Variants in PCNX3 observed in about 807,000 individuals in gnomAD.
The protein encoded by PCNX3 is pecanex 3, also known as pecanex-like protein 3.
Under a neutral mutation model 207.2 loss-of-function variants are expected in PCNX3, and 58 were observed. The ratio of observed to expected loss-of-function variants is 0.28; its 90% CI spans 0.23 to 0.35. PCNX3 has a LOEUF of 0.35. Among genes scored for constraint, PCNX3 ranks in the 10% least tolerant of loss-of-function variants. The probability of loss-of-function intolerance (pLI) is 1.00; values close to 1 mark genes in which losing one functional copy is unlikely to be tolerated. For missense variants in PCNX3, 2,410 were observed against 2,774.4 expected (o/e 0.87, Z 2.95); for synonymous variants, 1,337 against 1,183.5 (o/e 1.13, Z -2.66).
At chr11:65,619,277 C>T (rs1000538920) in intron 6 of PCNX3, 1 of 368,482 alleles carries the variant, frequency 2.7e-6, no homozygotes, top group Non-Finnish European at 3.8e-6. Flanking sequence ...TGATTAGCAC[C>T]TGAGTCTCTG....
At chr11:65,630,229 C>A in intron 26 of PCNX3, 122 bp from the exon 27 acceptor site, 1 of 1,371,806 alleles carries the variant, frequency 7.3e-7, no homozygotes, top group Non-Finnish European at 9.8e-7. Flanking sequence ...ATAAGGTTGA[C>A]TCCCCTGGCG....
At position 65,616,015 on chromosome 11, in the gene PCNX3, C is replaced by A. The variant is rs1854706965; in HGVS notation, c.-297C>A. 6 of 231,024 alleles carry A rather than the reference C, an allele frequency of 2.6e-5. No individual in the cohort carries two copies. In the South Asian group the frequency reaches 9.6e-4, roughly 37 times the overall value. The allele number at this position is 231,024 out of a possible 1,614,324, so 14.3% of individuals were successfully genotyped here. A position where few individuals can be genotyped will look rare whatever the true frequency, so the allele number is the denominator to read the frequency against. ...GCCGACGGGTACCCGGCCCGTGCCC[C>A]GCGCCTGCCTGCCGGCTCGGCCCCT... On this transcript the variant is annotated 5_prime_UTR_variant, in exon 1 of 35. Transcript: ENST00000355703.
At position 65,636,920 on chromosome 11, in the gene PCNX3, C is replaced by T. The variant is rs1345568370; in HGVS notation, c.6047C>T (p.Ala2016Val). 6.4e-7 allele frequency: 1 copy of T among 1,561,924 alleles called. No homozygotes were observed. The highest frequency in any genetic ancestry group is 1.2e-5 in the South Asian group (1 of 84,820). The change falls in exon 35 of 35, where the codon GCC becomes GTC. Residue 2016 changes from alanine (A) to valine (V), a missense_variant. Ala to Val is a moderately conservative substitution (Grantham distance 64). Transcript: ENST00000355703. ...TPMGALGDWP[A>V]PIEERESPAA... ...ATGGGTGCCCTGGGCGACTGGCCTG[C>T]CCCTATTGAGGAGCGTGAGAGCCCG...
At chr11:65,627,237 C>T (rs969981752) in intron 21 of PCNX3, among the ~76,000 whole-genome samples, 168 bp from the exon 22 acceptor site, 1 of 152,158 alleles carries the variant, frequency 6.6e-6, no homozygotes, top group Non-Finnish European at 1.5e-5. Context: ...CCCACCACTC[C>T]CTTTGGAAGA....
rs1348257281 is a variant in PCNX3, at chr11:65,617,139, G to A, written c.342-111G>A. ...GATTGTGAACACTTGTCCTGTGTTA[G>A]CCCTGGAATTGTAAAGTGACTTCTG... On this transcript the variant is annotated intron_variant, in intron 2 of 34. Transcript: ENST00000355703. The A allele has an allele frequency of 3.6e-6, 5 of 1,388,014 alleles. No individual in the cohort carries two copies. The African/African-American group carries it at 4.3e-5, about 12-fold the overall frequency. The allele number at this position is 1,388,014 out of a possible 1,614,324, so 86.0% of individuals were successfully genotyped here. A position where few individuals can be genotyped will look rare whatever the true frequency, so the allele number is the denominator to read the frequency against.
At position 65,635,590 on chromosome 11, in the gene PCNX3, G is replaced by T; in HGVS notation, c.5246G>T (p.Arg1749Leu). ...CAGCAGCAGGAGCTGGTGTTCCTGC[G>T]CAACCGCAACCCCGAGCGTGGCAGC... Reference protein sequence around the residue: ...AGQQQELVFLRNRNPERGSIQ... With the variant: ...AGQQQELVFLLNRNPERGSIQ... The change falls in exon 32 of 35, where the codon CGC becomes CTC. Residue 1749 changes from arginine (R) to leucine (L), a missense_variant. This residue lies in a region of PCNX3 where 21 missense variants were observed against 79.2 expected (regional missense o/e 0.27). Coordinates refer to ENST00000355703, the MANE Select transcript of PCNX3 (RefSeq NM_032223.4). The surrounding 1 kb of genome is among the most constrained non-coding windows in gnomAD (Gnocchi z 9.9). 6.2e-7 allele frequency: 1 copy of T among 1,612,666 alleles called. No homozygotes were observed. The highest frequency in any genetic ancestry group is 2.2e-5 in the East Asian group (1 of 44,870).
chr11:65,634,455 CTTA>C, intron 28 of PCNX3, 80 bp from the exon 29 acceptor site: 1 of 1,511,948 alleles, frequency 6.6e-7, no homozygotes, highest in Non-Finnish European at 8.9e-7. Context: ...CTGAGCCTCC[CTTA>C]GCCTGAGCCC....
At position 65,617,189 on chromosome 11, in the gene PCNX3, G is replaced by A. The variant is rs1395138298; in HGVS notation, c.342-61G>A. Reference sequence around the variant, plus strand: ...GAAAAAGAAGCAGTGACAAAGATGGGAGGAAGTAGCATACACAGAGGAGAG... The same window carrying A: ...GAAAAAGAAGCAGTGACAAAGATGGAAGGAAGTAGCATACACAGAGGAGAG... On this transcript the variant is annotated intron_variant, in intron 2 of 34. Coordinates refer to ENST00000355703, the MANE Select transcript of PCNX3 (RefSeq NM_032223.4). 4.7e-6 allele frequency: 7 copies of A among 1,479,944 alleles called. No individual in the cohort carries two copies. In the East Asian group the frequency reaches 1.5e-4, roughly 31 times the overall value. 91.7% of individuals were successfully genotyped at this position (1,479,944 alleles called of 1,614,324 possible). A position where few individuals can be genotyped will look rare whatever the true frequency, so the allele number is the denominator to read the frequency against.
At chr11:65,623,008 G>A (rs150599115) in intron 11 of PCNX3, among the ~76,000 whole-genome samples, 2,256 of 152,220 alleles carry the variant, frequency 0.015, 22 homozygotes, top group Middle Eastern at 0.078. Context: ...TTCTCAGAGG[G>A]GACACAGAGT....
chr11:65,633,554 A>C, intron 27 of PCNX3, among the ~76,000 whole-genome samples: 1 of 152,086 alleles, frequency 6.6e-6, no homozygotes, highest in South Asian at 2.1e-4. Flanking sequence ...CCCCCTGCCC[A>C]TGTGACATCT....
In PCNX3 at chr11:65,616,384, C is replaced by T; in HGVS notation, c.73C>T (p.Pro25Ser). 1 of 1,609,900 alleles carries T rather than the reference C, an allele frequency of 6.2e-7. No homozygotes were observed. Reference sequence around the variant, plus strand: ...GCTCACCGGCGGTTGGTTCTTCGACCCGCACCAGAGCACCTTCTCCAACTG... The same window carrying T: ...GCTCACCGGCGGTTGGTTCTTCGACTCGCACCAGAGCACCTTCTCCAACTG... Reference protein sequence around the residue: ...ASLTGGWFFDPHQSTFSNCFH... With the variant: ...ASLTGGWFFDSHQSTFSNCFH... The change falls in exon 1 of 35, where the codon CCG (proline) becomes TCG (serine). Residue 25 changes from proline to serine, a missense_variant. This residue lies in a region of PCNX3 where 1,104 missense variants were observed against 970.3 expected (regional missense o/e 1.14). Coordinates refer to ENST00000355703, the MANE Select transcript of PCNX3 (RefSeq NM_032223.4).
At position 65,625,289 on chromosome 11, in the gene PCNX3, G is replaced by A; in HGVS notation, c.3029+9G>A. The A allele has an allele frequency of 8.7e-6, 14 of 1,602,820 alleles. No individual in the cohort carries two copies. Among genetic ancestry groups the A allele is most frequent in the Non-Finnish European group, 1.2e-5 (14 of 1,174,546 alleles). On this transcript the variant is annotated intron_variant, in intron 17 of 34. Transcript: ENST00000355703. This position sits in a 1 kb window ranked among gnomAD's most constrained non-coding sequence, Gnocchi z 5.6. Reference sequence around the variant, plus strand: ...GACCCCACCGTGCTCTGGTGGGTGTGCTCCGGGTCGTGTGTTTGTGTCTGC... The same window carrying A: ...GACCCCACCGTGCTCTGGTGGGTGTACTCCGGGTCGTGTGTTTGTGTCTGC...
intron 20 of PCNX3, chr11:65,626,265 T>G (rs1342917772): frequency 1.7e-5 from 12 of 722,882 alleles, no homozygotes; most frequent in Non-Finnish European, 2.7e-5. Context: ...TGCCCTTCCC[T>G]TGCCTGTGTT....
intron 22 of PCNX3, among the ~76,000 whole-genome samples, chr11:65,627,998 T>A (rs1348149505): frequency 6.6e-6 from 1 of 152,216 alleles, no homozygotes; most frequent in Admixed American, 6.5e-5. Context: ...GTATAGGTGC[T>A]CTGCCGGCTG....
At position 65,635,468 on chromosome 11, in the gene PCNX3, C is replaced by T. The variant is rs1451849509; in HGVS notation, c.5184+20C>T. ...ATCAAGGTTGGGCCGGCCCCACCTG[C>T]CCTAAGCCCTGCCCCAAACCCCCTT... On this transcript the variant is annotated intron_variant, in intron 31 of 34. Transcript: ENST00000355703. This position sits in a 1 kb window ranked among gnomAD's most constrained non-coding sequence, Gnocchi z 9.9. 2 of 1,607,558 alleles carry T rather than the reference C, an allele frequency of 1.2e-6. No individual in the cohort carries two copies. Among genetic ancestry groups the T allele is most frequent in the Admixed American group, 1.7e-5 (1 of 59,644 alleles).
At chr11:65,632,312 C>T (rs1163403153) in intron 27 of PCNX3, among the ~76,000 whole-genome samples, 17 of 129,706 alleles carry the variant, frequency 1.3e-4, no homozygotes, top group Admixed American at 1.2e-3. Context: ...AGGGGTGGGG[C>T]GGGGGGAGGC....
At chr11:65,624,438 G>T (rs1855274019) in intron 14 of PCNX3, 33 bp from the exon 15 acceptor site, 3 of 1,561,228 alleles carry the variant, frequency 1.9e-6, no homozygotes, top group Non-Finnish European at 2.6e-6. Context: ...AAGCCAGCAG[G>T]CTGACCAGGC....
rs1855742194 is a variant in PCNX3 at position 65,634,429 on chromosome 11, T to C, written c.4701+73T>C. The stretch of plus-strand genomic sequence containing the variant: ...GCTTCCCTGCTCCCCTTCTCCCCAT[T>C]TGGTTTCCTCTCACTCTGAGCCTCC... On this transcript the variant is annotated intron_variant, in intron 28 of 34. Coordinates refer to ENST00000355703, the MANE Select transcript of PCNX3 (RefSeq NM_032223.4). 10 of 1,506,628 alleles carry C rather than the reference T, an allele frequency of 6.6e-6. No individual in the cohort carries two copies. The South Asian group carries it at 1.1e-4, about 16-fold the overall frequency. The allele number at this position is 1,506,628 out of a possible 1,614,324, so 93.3% of individuals were successfully genotyped here. A position where few individuals can be genotyped will look rare whatever the true frequency, so the allele number is the denominator to read the frequency against.
chr11:65,619,374 G>C (rs921505202), intron 6 of PCNX3, 163 bp from the exon 7 acceptor site: 1 of 924,546 alleles, frequency 1.1e-6, no homozygotes, highest in African/African-American at 1.8e-5. Flanking sequence ...TTGTTTGCAA[G>C]TAAGGAAACT....
Sources: gnomAD v4.1 joint callset for allele counts (sites outside exome capture counted in the v4.1 genomes callset) on GRCh38, gnomAD v4.1.1 for gene constraint, gnomAD v4.1.1 regional missense constraint, Gnocchi (gnomAD v3.1) non-coding constraint, MANE v1.5 for transcripts, NCBI Gene and HGNC (gene_info 2026-07-23, HGNC 2026-07-21) for gene names.